Variants in CHRM3 observed in about 807,000 individuals in gnomAD.
CHRM3 encodes the protein muscarinic acetylcholine receptor M3.
Under a neutral mutation model 41.8 loss-of-function variants are expected in CHRM3, and 11 were observed. That is an observed-to-expected ratio of 0.26 (90% CI 0.17 to 0.44). The LOEUF (loss-of-function observed/expected upper bound fraction) is 0.44. CHRM3 is among the 20% of genes least tolerant of loss of function. The pLI is 1.00. For missense variants in CHRM3, 571 were observed against 745.4 expected (o/e 0.77, Z 2.72); for synonymous variants, 297 against 301.4 (o/e 0.99, Z 0.15).
intron 1 of CHRM3, among the ~76,000 whole-genome samples, chr1:239,468,871 A>G (rs1385636043): frequency 6.6e-6 from 1 of 152,184 alleles, no homozygotes; most frequent in African/African-American, 2.4e-5. Flanking sequence ...TAGAAGTTCA[A>G]ATAAAACAGG....
At chr1:239,801,382 G>C (rs898072872) in intron 5 of CHRM3, among the ~76,000 whole-genome samples, 1 of 152,176 alleles carries the variant, frequency 6.6e-6, no homozygotes, top group South Asian at 2.1e-4. Context: ...TGGTCTACAA[G>C]ATGGCACTGT....
At chr1:239,667,547 G>A (rs1321485091) in intron 4 of CHRM3, among the ~76,000 whole-genome samples, 1 of 152,152 alleles carries the variant, frequency 6.6e-6, no homozygotes, top group Non-Finnish European at 1.5e-5. Flanking sequence ...TTGGGCAGAT[G>A]TTAATTGTGT....
intron 2 of CHRM3, among the ~76,000 whole-genome samples, chr1:239,511,474 A>G (rs77964775): frequency 0.03 from 4,585 of 152,338 alleles, 174 homozygotes; most frequent in African/African-American, 0.086. Context: ...ATTGAAAAAC[A>G]AAAGTATCAA....
At chr1:239,390,797 C>T (rs1288842936) in intron 1 of CHRM3, among the ~76,000 whole-genome samples, 2 of 152,116 alleles carry the variant, frequency 1.3e-5, no homozygotes. Context: ...TTGCATGCCC[C>T]AGACAGTATA....
chr1:239,689,266 C>T (rs182710245), intron 5 of CHRM3, among the ~76,000 whole-genome samples: 3 of 151,434 alleles, frequency 2.0e-5, no homozygotes, highest in African/African-American at 7.3e-5. Flanking sequence ...TCTCAGTTTA[C>T]TTTTTTTTCA....
rs76290292 is a variant in CHRM3 at position 239,716,775 on chromosome 1, G to A, written c.-147+38487G>A. On this transcript the variant is annotated intron_variant, in intron 5 of 6. Coordinates refer to ENST00000676153, the MANE Select transcript of CHRM3 (RefSeq NM_001375978.1). ...TTTAAAAAACCTTGCTAGAAGAAGG[G>A]AGGGGCCCAAACGTAGCTCAAGGGG... 8.2e-3 allele frequency among the ~76,000 whole-genome samples: 1,253 copies of A among 152,196 alleles called. 6 individuals carry two copies. The highest frequency in any genetic ancestry group is 0.013 in the Non-Finnish European group (893 of 67,992).
intron 3 of CHRM3, among the ~76,000 whole-genome samples, chr1:239,602,131 T>TACAC (rs1304189312): frequency 6.8e-6 from 1 of 147,720 alleles, no homozygotes; most frequent in South Asian, 2.1e-4. Flanking sequence ...TATATATATA[T>TACAC]ATATATATAA....
chr1:239,440,302 G>A (rs961166193), intron 1 of CHRM3, among the ~76,000 whole-genome samples: 4 of 150,278 alleles, frequency 2.7e-5, no homozygotes, highest in African/African-American at 9.9e-5. Context: ...TTGAAAATGA[G>A]TCACACACAC....
chr1:239,569,648 TAAC>T (rs1661657574), intron 3 of CHRM3, among the ~76,000 whole-genome samples: 1 of 152,104 alleles, frequency 6.6e-6, no homozygotes, highest in Admixed American at 6.6e-5. Flanking sequence ...AATTGAAAAA[TAAC>T]AAAGCAAAAC....
intron 4 of CHRM3, among the ~76,000 whole-genome samples, chr1:239,662,937 T>C (rs1458723345): frequency 1.4e-5 from 2 of 145,222 alleles, no homozygotes; most frequent in African/African-American, 5.1e-5. Flanking sequence ...TCTTCTCCTC[T>C]TCTTCTTCCT....
Position 239,913,008 on chromosome 1 carries a change from T to G in CHRM3, c.*3784T>G, listed in dbSNP as rs1266186323. ...ACCGAAGCTTCTCTAATTTGCCTTC[T>G]GATGCCAAATCGGTCAAAACTGAGG... is the stretch of plus-strand genomic sequence containing the variant. On this transcript the variant is annotated 3_prime_UTR_variant, in exon 7 of 7. Transcript: ENST00000676153. 6.0e-6 allele frequency: 1 copy of G among 167,096 alleles called. No homozygotes were observed. The highest frequency in any genetic ancestry group is 1.9e-4 in the East Asian group (1 of 5,186). 10.4% of individuals were successfully genotyped at this position (167,096 alleles called of 1,614,324 possible).
intron 5 of CHRM3, among the ~76,000 whole-genome samples, chr1:239,790,088 G>A (rs1049158703): frequency 2.6e-5 from 4 of 152,104 alleles, no homozygotes; most frequent in African/African-American, 4.8e-5. Context: ...CTCAATGCCC[G>A]TACCCATTGG....
Position 239,908,942 on chromosome 1 carries a change from G to A in CHRM3, c.1491G>A (p.Leu497=). Residue 497 remains leucine (L), a synonymous_variant, in exon 7 of 7, where the codon TTG becomes TTA. Coordinates refer to ENST00000676153, the MANE Select transcript of CHRM3 (RefSeq NM_001375978.1). The surrounding 1 kb of genome is among the most constrained non-coding windows in gnomAD (Gnocchi z 7.2). ...CGGCCCAGACCCTCAGTGCGATCTT[G>A]CTTGCCTTCATCATCACTTGGACCC... ...KKAAQTLSAI[L]LAFIITWTPY... is the part of the protein sequence containing the mutation. The A allele has an allele frequency of 6.2e-7, 1 of 1,614,118 alleles. No homozygotes were observed. Among genetic ancestry groups the A allele is most frequent in the Non-Finnish European group, 8.5e-7 (1 of 1,180,046 alleles).
rs776778546 is a variant in CHRM3, at chr1:239,908,350, T to A, written c.899T>A (p.Met300Lys). The A allele has an allele frequency of 5.6e-6, 9 of 1,613,956 alleles. No homozygotes were observed. In the East Asian group the frequency reaches 2.0e-4, roughly 36 times the overall value. The stretch of plus-strand genomic sequence containing the variant: ...AGTTACGAACTTCAACAGCAAAGCA[T>A]GAAACGCTCCAACAGGAGGAAGTAT... Reference protein sequence around the residue: ...CSSYELQQQSMKRSNRRKYGR... With the variant: ...CSSYELQQQSKKRSNRRKYGR... Residue 300 changes from methionine to lysine, a missense_variant, in exon 7 of 7, where the codon ATG becomes AAG. Transcript: ENST00000676153. This position sits in a 1 kb window ranked among gnomAD's most constrained non-coding sequence, Gnocchi z 7.2.
At chr1:239,682,352 T>C (rs1170297505) in intron 5 of CHRM3, among the ~76,000 whole-genome samples, 1 of 152,206 alleles carries the variant, frequency 6.6e-6, no homozygotes, top group Non-Finnish European at 1.5e-5. Flanking sequence ...TGTACATTAG[T>C]ACAGGCAGAG....
intron 1 of CHRM3, among the ~76,000 whole-genome samples, chr1:239,449,030 C>T (rs1664368889): frequency 6.6e-6 from 1 of 152,062 alleles, no homozygotes; most frequent in Admixed American, 6.5e-5. Context: ...GATTTTAACA[C>T]AACGTCTCTG....
chr1:239,410,449 GT>G (rs1659011956), intron 1 of CHRM3, among the ~76,000 whole-genome samples: 1 of 152,092 alleles, frequency 6.6e-6, no homozygotes. Flanking sequence ...AATCCAAAAT[GT>G]TTTTCACCCT....
intron 5 of CHRM3, among the ~76,000 whole-genome samples, chr1:239,688,457 T>TTATATTA (rs921136438): frequency 1.4e-5 from 2 of 142,584 alleles, no homozygotes; most frequent in African/African-American, 2.5e-5. Context: ...TATAAATATA[T>TTATATTA]TATATTATAT....
chr1:239,481,103 G>T lies in CHRM3; in HGVS notation c.-520-11606G>T, dbSNP rs1160946984. 2.0e-5 allele frequency among the ~76,000 whole-genome samples: 3 copies of T among 152,046 alleles called. No individual in the cohort carries two copies. In the East Asian group the frequency reaches 5.8e-4, roughly 29 times the overall value. ...ATTTGGCAGCTGTTAAATAGAATGG[G>T]GTACATACATGTAAGTGTGATGACC... On this transcript the variant is annotated intron_variant, in intron 1 of 6. Transcript: ENST00000676153.
Sources: gnomAD v4.1 joint callset for allele counts (sites outside exome capture counted in the v4.1 genomes callset) on GRCh38, gnomAD v4.1.1 for gene constraint, Gnocchi (gnomAD v3.1) non-coding constraint, MANE v1.5 for transcripts, NCBI Gene and HGNC (gene_info 2026-07-23, HGNC 2026-07-21) for gene names.